PDE4D: variants seen among roughly 807,000 people sequenced by gnomAD.
PDE4D encodes 3',5'-cyclic-AMP phosphodiesterase 4D.
A neutral mutation model predicts 87.4 loss-of-function variants in PDE4D; 24 were observed. That is an observed-to-expected ratio of 0.27 (90% CI 0.20 to 0.39). The LOEUF is 0.39. Among genes scored for constraint, PDE4D ranks in the 10% least tolerant of loss-of-function variants. The pLI is 1.00. For synonymous variants in PDE4D, 384 were observed against 383.2 expected, an observed-to-expected ratio of 1.00 and a Z score of -0.02; for missense variants, 714 against 1,041.0, an observed-to-expected ratio of 0.69 and a Z score of 4.32.
chr5:59,497,755 A>G (rs1170674906), intron 1 of PDE4D, among the ~76,000 whole-genome samples: 1 of 152,192 alleles, frequency 6.6e-6, no homozygotes, highest in Non-Finnish European at 1.5e-5. Flanking sequence ...ATATTTGAGG[A>G]TATAATTCAG....
At chr5:59,698,499 C>T (rs1752117631) in intron 1 of PDE4D, among the ~76,000 whole-genome samples, 1 of 139,822 alleles carries the variant, frequency 7.2e-6, no homozygotes, top group African/African-American at 2.7e-5. Flanking sequence ...CCACATACAC[C>T]CACATTCAAT....
At chr5:60,322,160 T>A (rs758016521) in intron 1 of PDE4D, among the ~76,000 whole-genome samples, 1 of 152,006 alleles carries the variant, frequency 6.6e-6, no homozygotes, top group Non-Finnish European at 1.5e-5. Flanking sequence ...AACCTAAATG[T>A]CCATCAGTGG....
intron 1 of PDE4D, among the ~76,000 whole-genome samples, chr5:60,454,350 G>A (rs781003912): frequency 5.3e-5 from 8 of 152,122 alleles, no homozygotes; most frequent in African/African-American, 7.2e-5. Flanking sequence ...ACACGCATGC[G>A]TATGTTTATT....
At chr5:60,188,240 G>A (rs1284146631) in intron 1 of PDE4D, 1 of 152,172 alleles carries the variant, frequency 6.6e-6, no homozygotes, top group Non-Finnish European at 1.5e-5. Flanking sequence ...TCAACAAAGA[G>A]ACTCTTTAAG....
Position 60,217,869 on chromosome 5 carries a change from T to C in PDE4D, c.-89-32182A>G, listed in dbSNP as rs369388228. Among the ~76,000 whole-genome samples the C allele has an allele frequency of 4.1e-4, 63 of 151,964 alleles. No homozygotes were observed. In the South Asian group the frequency reaches 0.011, roughly 28 times the overall value. ...AGATACTACCACACATCCACCAGAA[T>C]CATTAAAATGAAAAACACTGACAAT... On this transcript the variant is annotated intron_variant, in intron 1 of 16. Coordinates refer to the PDE4D transcript ENST00000502484.
At chr5:60,314,466 G>A (rs984898611) in intron 1 of PDE4D, among the ~76,000 whole-genome samples, 13 of 151,638 alleles carry the variant, frequency 8.6e-5, no homozygotes, top group East Asian at 1.9e-4. Flanking sequence ...TGCACCCGGC[G>A]GACAGTATGA....
intron 2 of PDE4D, among the ~76,000 whole-genome samples, chr5:60,102,808 T>A (rs1222616355): frequency 1.3e-5 from 2 of 152,132 alleles, no homozygotes; most frequent in East Asian, 1.9e-4. Context: ...CACAAACCAA[T>A]GACATTTTCT....
rs926391290 is a variant in PDE4D at position 58,975,766 on chromosome 5, G to A, written c.1904C>T (p.Thr635Met). 1.9e-6 allele frequency: 3 copies of A among 1,612,334 alleles called. No homozygotes were observed. The highest frequency in any genetic ancestry group is 1.3e-5 in the African/African-American group (1 of 74,782). ...TKPLQLYRQW[T>M]DRIMEEFFRQ... ...GAAGAACTCCTCCATTATCCGGTCC[G>A]TCCACTGGCGGTACAGCTGGAGAGG... is the stretch of plus-strand genomic sequence containing the variant. Residue 635 changes from threonine to methionine, a missense_variant, in exon 14 of 15, where the codon ACG becomes ATG. Transcript: ENST00000340635. This position sits in a 1 kb window ranked among gnomAD's most constrained non-coding sequence, Gnocchi z 4.2.
intron 10 of PDE4D, 43 bp from the exon 11 acceptor site, chr5:58,988,635 G>T (rs763915059): frequency 4.9e-6 from 4 of 818,600 alleles, no homozygotes; most frequent in African/African-American, 1.7e-5. Context: ...ATTCTACAAT[G>T]ATATGAATTA....
chr5:59,271,525 T>C (rs1763847232), intron 1 of PDE4D, among the ~76,000 whole-genome samples: 1 of 152,124 alleles, frequency 6.6e-6, no homozygotes, highest in Non-Finnish European at 1.5e-5. Flanking sequence ...ATTATAAAAT[T>C]GGACATTTTA....
At chr5:59,605,622 C>G (rs295957) in intron 1 of PDE4D, among the ~76,000 whole-genome samples, 131,226 of 152,080 alleles carry the variant, frequency 0.86, 56,674 homozygotes, top group South Asian at 0.93. Context: ...ACTCCTGTTA[C>G]TATAATTCTT....
At chr5:60,378,069 C>G (rs1761563262) in intron 1 of PDE4D, among the ~76,000 whole-genome samples, 1 of 152,068 alleles carries the variant, frequency 6.6e-6, no homozygotes, top group Admixed American at 6.5e-5. Context: ...ATCATAATTG[C>G]CCAGTTGGAT....
intron 1 of PDE4D, among the ~76,000 whole-genome samples, chr5:59,875,460 C>CAAAAAAAAAA (rs3062667): frequency 5.0e-5 from 2 of 39,694 alleles, no homozygotes; most frequent in African/African-American, 1.0e-4. Flanking sequence ...ACCTCCGTCT[C>CAAAAAAAAAA]AAAAAAAAAA....
intron 1 of PDE4D, among the ~76,000 whole-genome samples, chr5:59,831,889 G>A (rs1020000854): frequency 6.6e-6 from 1 of 152,054 alleles, no homozygotes; most frequent in Non-Finnish European, 1.5e-5. Context: ...GACTATGAAA[G>A]CCTTTGACTC....
At chr5:60,322,814 C>T (rs1236291729) in intron 1 of PDE4D, among the ~76,000 whole-genome samples, 1 of 152,166 alleles carries the variant, frequency 6.6e-6, no homozygotes, top group African/African-American at 2.4e-5. Context: ...TCCAATTTTC[C>T]AGTCCTCACT....
At chr5:60,481,754 T>C (rs979108292) in intron 1 of PDE4D, among the ~76,000 whole-genome samples, 1 of 152,148 alleles carries the variant, frequency 6.6e-6, no homozygotes, top group Non-Finnish European at 1.5e-5. Context: ...CCAGGACTAC[T>C]TTTTCACTAT....
chr5:60,334,358 T>C (rs1007302230), intron 1 of PDE4D, among the ~76,000 whole-genome samples: 1 of 152,192 alleles, frequency 6.6e-6, no homozygotes, highest in Admixed American at 6.5e-5. Context: ...ATCTTCCAAT[T>C]TGAGAAGCTA....
intron 1 of PDE4D, among the ~76,000 whole-genome samples, chr5:60,402,671 A>T (rs895206032): frequency 6.6e-6 from 1 of 152,218 alleles, no homozygotes; most frequent in African/African-American, 2.4e-5. Flanking sequence ...AGTTTTGAAG[A>T]TCACGTTTGG....
chr5:60,005,440 G>A (rs1764381890), intron 2 of PDE4D, among the ~76,000 whole-genome samples: 1 of 151,728 alleles, frequency 6.6e-6, no homozygotes, highest in Non-Finnish European at 1.5e-5. Context: ...GAGAGTAAAT[G>A]TTAAGTATCC....
Sources: gnomAD v4.1 joint callset for allele counts (sites outside exome capture counted in the v4.1 genomes callset) on GRCh38, gnomAD v4.1.1 for gene constraint, Gnocchi (gnomAD v3.1) non-coding constraint, MANE v1.5 for transcripts, NCBI Gene and HGNC (gene_info 2026-07-23, HGNC 2026-07-21) for gene names.